The following AGTPBP1 variants were observed in gnomAD, a reference collection of about 807,000 sequenced individuals.
The protein encoded by AGTPBP1 is ATP/GTP binding carboxypeptidase 1, also known as cytosolic carboxypeptidase 1.
Under a neutral mutation model 143.9 loss-of-function variants are expected in AGTPBP1, and 70 were observed. The ratio of observed to expected loss-of-function variants is 0.49; its 90% CI spans 0.40 to 0.59. AGTPBP1 has a LOEUF of 0.59. AGTPBP1 is among the 20% of genes least tolerant of loss of function. The pLI, the probability that AGTPBP1 is intolerant of heterozygous loss-of-function variation, is 0.00. For missense variants in AGTPBP1, 1,229 were observed against 1,464.5 expected (o/e 0.84, Z 2.62); for synonymous variants, 463 against 500.2 (o/e 0.93, Z 0.99).
chr9:85,701,306 T>C (rs1157237158), intron 2 of AGTPBP1, among the ~76,000 whole-genome samples: 1 of 151,754 alleles, frequency 6.6e-6, no homozygotes, highest in Non-Finnish European at 1.5e-5. Context: ...CTTGGCTCAC[T>C]GCAACCTCTG....
chr9:85,719,072 C>T (rs1397394982), intron 1 of AGTPBP1, among the ~76,000 whole-genome samples: 1 of 152,100 alleles, frequency 6.6e-6, no homozygotes, highest in Non-Finnish European at 1.5e-5. Context: ...GTTACTGTAG[C>T]CTTGCAGTAT....
intron 17 of AGTPBP1, among the ~76,000 whole-genome samples, chr9:85,618,768 T>A (rs1318594711): frequency 6.6e-6 from 1 of 152,160 alleles, no homozygotes; most frequent in Admixed American, 6.5e-5. Flanking sequence ...AAATCAACCA[T>A]TACACTTTAA....
At chr9:85,608,161 GA>G (rs1467265331) in intron 17 of AGTPBP1, among the ~76,000 whole-genome samples, 1 of 152,014 alleles carries the variant, frequency 6.6e-6, no homozygotes, top group East Asian at 1.9e-4. Context: ...TGGAACAACA[GA>G]ATTGGGGTTG....
intron 1 of AGTPBP1, among the ~76,000 whole-genome samples, chr9:85,714,237 C>A (rs1355978995): frequency 6.6e-6 from 1 of 152,182 alleles, no homozygotes; most frequent in East Asian, 1.9e-4. Context: ...TCTGGCGTTA[C>A]CAAAGTGAAC....
chr9:85,683,227 TA>T (rs34257811), intron 3 of AGTPBP1, among the ~76,000 whole-genome samples: 2 of 152,194 alleles, frequency 1.3e-5, no homozygotes, highest in Admixed American at 6.5e-5. Context: ...TTCTCCTTTT[TA>T]AAAAGTATGT....
intron 17 of AGTPBP1, among the ~76,000 whole-genome samples, chr9:85,607,454 T>TA (rs1405956347): frequency 6.6e-6 from 1 of 152,096 alleles, no homozygotes; most frequent in African/African-American, 2.4e-5. Flanking sequence ...TCAAATGAGG[T>TA]AAACTCAGAC....
At chr9:85,737,707 A>G (rs1247427059) in intron 1 of AGTPBP1, among the ~76,000 whole-genome samples, 2 of 152,234 alleles carry the variant, frequency 1.3e-5, no homozygotes, top group Admixed American at 1.3e-4. Flanking sequence ...GACCCATTCA[A>G]AGTTCCAACC....
At chr9:85,737,575 A>C (rs1823884492) in intron 1 of AGTPBP1, among the ~76,000 whole-genome samples, 1 of 152,224 alleles carries the variant, frequency 6.6e-6, no homozygotes, top group Non-Finnish European at 1.5e-5. Context: ...TGATATTAAC[A>C]ACCATAACTT....
the AGTPBP1 span, among the ~76,000 whole-genome samples, chr9:85,768,875 C>A: frequency 6.7e-6 from 1 of 150,336 alleles, no homozygotes; most frequent in Non-Finnish European, 1.5e-5. Flanking sequence ...GTTGCAAAAC[C>A]CCTTCTCAAC....
the AGTPBP1 span, among the ~76,000 whole-genome samples, chr9:85,768,126 C>CTAACTCT: frequency 1.3e-5 from 2 of 152,224 alleles, no homozygotes; most frequent in African/African-American, 4.8e-5. Context: ...GAGGGAACTG[C>CTAACTCT]AAACACTGAT....
At chr9:85,764,857 T>A in the AGTPBP1 span, 1 of 1,286,462 alleles carries the variant, frequency 7.8e-7, no homozygotes, top group Non-Finnish European at 1.1e-6. Flanking sequence ...AAGAAAAGGA[T>A]CAGCTCCAGA....
intron 1 of AGTPBP1, among the ~76,000 whole-genome samples, chr9:85,732,133 A>G (rs1337640812): frequency 1.3e-5 from 2 of 152,006 alleles, no homozygotes; most frequent in Non-Finnish European, 2.9e-5. Context: ...TTCTAAGTCT[A>G]TACAGATGAT....
At chr9:85,688,350 T>C (rs1374872657) in intron 3 of AGTPBP1, among the ~76,000 whole-genome samples, 1 of 152,056 alleles carries the variant, frequency 6.6e-6, no homozygotes, top group East Asian at 1.9e-4. Context: ...ATCTATATAT[T>C]ATAGAATGTT....
At position 85,594,881 on chromosome 9, in the gene AGTPBP1, T is replaced by C. The variant is rs140346165; in HGVS notation, c.2423+1481A>G. On this transcript the variant is annotated intron_variant, in intron 18 of 25. Transcript: ENST00000357081. ...TCTAATGTGACAACATAAAGAAGCA[T>C]GAAAGTAAGAATGCTTTTTGAAAAA... Among the ~76,000 whole-genome samples the C allele has an allele frequency of 6.2e-3, 940 of 152,334 alleles. 8 individuals carry two copies. The highest frequency in any genetic ancestry group is 0.021 in the African/African-American group (877 of 41,582).
intron 18 of AGTPBP1, among the ~76,000 whole-genome samples, chr9:85,596,118 T>G (rs1427007718): frequency 1.3e-5 from 2 of 152,194 alleles, no homozygotes; most frequent in Non-Finnish European, 2.9e-5. Flanking sequence ...CACATAACTC[T>G]CTAAGTGGTG....
intron 1 of AGTPBP1, among the ~76,000 whole-genome samples, chr9:85,714,338 G>A (rs1459873919): frequency 6.6e-6 from 1 of 152,046 alleles, no homozygotes; most frequent in African/African-American, 2.4e-5. Flanking sequence ...CTTTAATCAC[G>A]CAAAAAAGGA....
In AGTPBP1 at chr9:85,546,611, G is replaced by T. The variant is rs1181994432; in HGVS notation, c.*498C>A. Reference sequence around the variant, plus strand: ...ATGTAATGGTTTCAAGGCAAACCCTGGACTACTTCAGTCACAACCCAATAG... The same window carrying T: ...ATGTAATGGTTTCAAGGCAAACCCTTGACTACTTCAGTCACAACCCAATAG... On this transcript the variant is annotated 3_prime_UTR_variant, in exon 26 of 26. Transcript: ENST00000357081. 6.6e-6 allele frequency: 1 copy of T among 152,240 alleles called. No homozygotes were observed. Among genetic ancestry groups the T allele is most frequent in the Non-Finnish European group, 1.5e-5 (1 of 68,098 alleles). 9.4% of individuals were successfully genotyped at this position (152,240 alleles called of 1,614,324 possible). A position where few individuals can be genotyped will look rare whatever the true frequency, so the allele number is the denominator to read the frequency against.
In AGTPBP1 at chr9:85,627,258, G is replaced by GCA. The variant is rs138235711; in HGVS notation, c.2015+5402_2015+5403dup. 1.9e-4 allele frequency among the ~76,000 whole-genome samples: 29 copies of GCA among 151,376 alleles called. 1 individual carries two copies. The highest frequency in any genetic ancestry group is 8.6e-4 in the Admixed American group (13 of 15,172). On this transcript the variant is annotated intron_variant, in intron 14 of 25. Transcript: ENST00000357081. ...GAGAAATAAAGTTATTTATGTGCGC[G>GCA]CACACACACACACAGAGTGGGAGAG...
intron 17 of AGTPBP1, among the ~76,000 whole-genome samples, chr9:85,614,955 A>G (rs980178202): frequency 6.6e-6 from 1 of 152,156 alleles, no homozygotes; most frequent in Admixed American, 6.5e-5. Flanking sequence ...CAGAGCAACA[A>G]TGTTTAACGG....
Sources: allele counts gnomAD v4.1 joint callset (sites outside exome capture counted in the v4.1 genomes callset), GRCh38; gene constraint gnomAD v4.1.1; transcripts MANE v1.5; gene names NCBI Gene and HGNC (gene_info 2026-07-23, HGNC 2026-07-21).